The following PI4K2A variants were observed in gnomAD, a reference collection of about 807,000 sequenced individuals.
PI4K2A encodes the protein phosphatidylinositol 4-kinase type 2-alpha.
Under a neutral mutation model 55.0 loss-of-function variants are expected in PI4K2A, and 20 were observed. That is an observed-to-expected ratio of 0.36 (90% CI 0.26 to 0.53). The LOEUF (loss-of-function observed/expected upper bound fraction) is 0.53, where lower values mean the gene tolerates loss of function less well. Ranked by LOEUF, PI4K2A falls within the 20% of genes least tolerant of loss-of-function variation. The pLI is 0.91. For missense variants in PI4K2A, 463 were observed against 637.1 expected, an observed-to-expected ratio of 0.73 and a Z score of 2.94; for synonymous variants, 235 against 258.5, an observed-to-expected ratio of 0.91 and a Z score of 0.87.
intron 2 of PI4K2A, among the ~76,000 whole-genome samples, chr10:97,652,399 A>G (rs1250262040): frequency 6.6e-6 from 1 of 151,946 alleles, no homozygotes; most frequent in South Asian, 2.1e-4. Flanking sequence ...AGGCTCAAGC[A>G]GTCCTCCCAC....
At chr10:97,669,752 T>C (rs1309389046) in intron 8 of PI4K2A, among the ~76,000 whole-genome samples, 2 of 152,296 alleles carry the variant, frequency 1.3e-5, no homozygotes, top group East Asian at 3.9e-4. Context: ...TATTGCAGGA[T>C]GGGCTGTAGT....
chr10:97,663,583 T>C (rs1357754756), intron 5 of PI4K2A, among the ~76,000 whole-genome samples: 1 of 151,412 alleles, frequency 6.6e-6, no homozygotes, highest in African/African-American at 2.4e-5. Flanking sequence ...CCCAGCACTT[T>C]GGGAGGCCGA....
intron 4 of PI4K2A, among the ~76,000 whole-genome samples, chr10:97,659,186 A>G (rs1209133930): frequency 6.6e-6 from 1 of 151,308 alleles, no homozygotes; most frequent in Non-Finnish European, 1.5e-5. Context: ...AGGTGTGAGG[A>G]CCACGCCTGG....
At chr10:97,650,840 G>C (rs528569607) in intron 1 of PI4K2A, 101 bp from the exon 2 acceptor site, 13 of 838,736 alleles carry the variant, frequency 1.5e-5, no homozygotes, top group Non-Finnish European at 2.5e-5. Flanking sequence ...GGAATTGTCT[G>C]CCTATGCCCT....
chr10:97,645,993 C>T (rs2041503259), intron 1 of PI4K2A, among the ~76,000 whole-genome samples: 1 of 152,110 alleles, frequency 6.6e-6, no homozygotes, highest in African/African-American at 2.4e-5. Flanking sequence ...TAGAGTGTGG[C>T]CCAGGGATCT....
At chr10:97,655,613 C>T (rs1377296924) in intron 2 of PI4K2A, among the ~76,000 whole-genome samples, 7 of 151,876 alleles carry the variant, frequency 4.6e-5, no homozygotes, top group African/African-American at 1.7e-4. Context: ...CCCTCTGTCA[C>T]CCAGGATAGA....
exon 9 of PI4K2A, chr10:97,673,632 G>T (rs143318523): frequency 6.2e-7 from 1 of 1,614,010 alleles, no homozygotes; most frequent in South Asian, 1.1e-5. Flanking sequence ...CCTGCACCTC[G>T]TCCAGATGCC....
rs554579682 is a variant in PI4K2A, at chr10:97,673,997, CCCTT to C, written c.*258_*261del. On this transcript the variant is annotated 3_prime_UTR_variant, in exon 9 of 9. Coordinates refer to ENST00000370631, the Ensembl canonical transcript of PI4K2A. ...TCCAGATGCCTGGGAAGGAACATCT[CCCTT>C]CCAGCATCTGCTGGTAGCAGGCTGG... 1.9e-3 allele frequency: 835 copies of C among 445,674 alleles called. 10 individuals carry two copies. The highest frequency in any genetic ancestry group is 0.015 in the African/African-American group (759 of 50,974). 27.6% of individuals were successfully genotyped at this position (445,674 alleles called of 1,614,324 possible).
rs778327849 is a variant in PI4K2A at position 97,642,924 on chromosome 10, C to CCTTTCTTTCCTTT, written c.435+1757_435+1769dup. On this transcript the variant is annotated intron_variant, in intron 1 of 8. Transcript: ENST00000370631. ...TCCTTCCTTCCTTCCTTCCTTCCTTCCTTTCTTTCCTTTCTTTCTTTCTCT... is the reference window on the plus strand; with the variant it reads ...TCCTTCCTTCCTTCCTTCCTTCCTTCCTTTCTTTCCTTTCTTTCTTTCCTTTCTTTCTTTCTCT... Among the ~76,000 whole-genome samples, 11 of 113,606 alleles carry CCTTTCTTTCCTTT rather than the reference C, an allele frequency of 9.7e-5. No homozygotes were observed. In the East Asian group the frequency reaches 1.9e-3, roughly 20 times the overall value. 74.5% of individuals were successfully genotyped at this position (113,606 alleles called of 152,430 possible). A position where few individuals can be genotyped will look rare whatever the true frequency, so the allele number is the denominator to read the frequency against.
chr10:97,667,707 A>G (rs2041616481), intron 8 of PI4K2A, among the ~76,000 whole-genome samples: 2 of 152,194 alleles, frequency 1.3e-5, no homozygotes, highest in Non-Finnish European at 2.9e-5. Flanking sequence ...TCTCTGTCCT[A>G]GAGTTGCTCA....
At chr10:97,667,978 T>C (rs1349027542) in intron 8 of PI4K2A, among the ~76,000 whole-genome samples, 1 of 152,228 alleles carries the variant, frequency 6.6e-6, no homozygotes, top group East Asian at 1.9e-4. Flanking sequence ...ACTTACATTA[T>C]TCCTTCTCCT....
intron 8 of PI4K2A, among the ~76,000 whole-genome samples, chr10:97,670,619 G>C (rs945501782): frequency 1.3e-5 from 2 of 152,148 alleles, no homozygotes; most frequent in Non-Finnish European, 2.9e-5. Flanking sequence ...GAACAGTGTA[G>C]GATGCTGGCA....
rs1467921546 is a variant in PI4K2A at position 97,656,001 on chromosome 10, C to G, written c.637-284C>G. Among the ~76,000 whole-genome samples the G allele has an allele frequency of 1.3e-5, 2 of 152,182 alleles. No homozygotes were observed. Among genetic ancestry groups the G allele is most frequent in the African/African-American group, 4.8e-5 (2 of 41,434 alleles). On this transcript the variant is annotated intron_variant, in intron 2 of 8. Transcript: ENST00000370631. This position sits in a 1 kb window ranked among gnomAD's most constrained non-coding sequence, Gnocchi z 4.5. ...TGGTGTGGCTCTGCTATTTCCCAGC[C>G]CTTCTTTCCTAGCTGCACAGACTGG...
intron 8 of PI4K2A, among the ~76,000 whole-genome samples, chr10:97,669,962 A>T (rs2041627545): frequency 1.3e-5 from 2 of 152,110 alleles, no homozygotes; most frequent in South Asian, 4.1e-4. Context: ...GCTGGAGTGC[A>T]GTGGCCCAAT....
chr10:97,650,654 A>G (rs2041526573), intron 1 of PI4K2A, among the ~76,000 whole-genome samples: 1 of 152,224 alleles, frequency 6.6e-6, no homozygotes, highest in African/African-American at 2.4e-5. Context: ...AGTTAGAGGT[A>G]GGTACTTATA....
At chr10:97,664,824 T>G (rs1321255133) in intron 5 of PI4K2A, 61 bp from the exon 6 acceptor site, 1 of 1,104,396 alleles carries the variant, frequency 9.1e-7, no homozygotes. Flanking sequence ...GCTTTGCTAC[T>G]AATTGGAAGG....
chr10:97,651,190 T>C lies in PI4K2A; in HGVS notation c.636+49T>C, dbSNP rs372081932. 2.0e-4 allele frequency: 289 copies of C among 1,450,602 alleles called. 2 individuals carry two copies. The highest frequency in any genetic ancestry group is 2.7e-4 in the Non-Finnish European group (279 of 1,034,226). The allele number at this position is 1,450,602 out of a possible 1,614,324, so 89.9% of individuals were successfully genotyped here. On this transcript the variant is annotated intron_variant, in intron 2 of 8. Transcript: ENST00000370631. Reference sequence around the variant, plus strand: ...CCTTACTGCCTGGCCACAGTTTTCCTGGGGCCTAAGCCCTGCTACATGTTA... The same window carrying C: ...CCTTACTGCCTGGCCACAGTTTTCCCGGGGCCTAAGCCCTGCTACATGTTA...
At chr10:97,651,076 C>T in exon 2 of PI4K2A, 1 of 1,614,056 alleles carries the variant, frequency 6.2e-7, no homozygotes, top group Admixed American at 1.7e-5. Flanking sequence ...CCAGGGCTAT[C>T]TCTCAGAAGC....
chr10:97,657,031 G>A (rs1056903941), intron 4 of PI4K2A, 57 bp downstream of exon 4: 1 of 1,573,906 alleles, frequency 6.4e-7, no homozygotes, highest in Non-Finnish European at 8.7e-7. Context: ...GGCATGGGGA[G>A]GCCTGGAGGC....
Sources: allele counts gnomAD v4.1 joint callset (sites outside exome capture counted in the v4.1 genomes callset), GRCh38; gene constraint gnomAD v4.1.1; non-coding constraint Gnocchi (gnomAD v3.1); transcripts MANE v1.5; gene names NCBI Gene and HGNC (gene_info 2026-07-23, HGNC 2026-07-21).